Variants in TBCK observed in about 807,000 individuals in gnomAD.
TBCK encodes TBC1 domain containing kinase.
A neutral mutation model predicts 113.4 loss-of-function variants in TBCK; 99 were observed. The observed-to-expected ratio is 0.87, with a 90% CI of 0.74 to 1.03. TBCK has a LOEUF of 1.03. Among genes scored for constraint, TBCK ranks in the 50% least tolerant of loss-of-function variants. The pLI is 0.00. For missense variants in TBCK, 1,045 were observed against 1,061.3 expected (o/e 0.98, Z 0.21); for synonymous variants, 369 against 370.8 (o/e 1.00, Z 0.05).
At chr4:106,058,433 A>T (rs184265295) in intron 25 of TBCK, among the ~76,000 whole-genome samples, 1 of 151,832 alleles carries the variant, frequency 6.6e-6, no homozygotes, top group African/African-American at 2.4e-5. Flanking sequence ...TAAGTAAAAG[A>T]TTTTCTATGA....
In TBCK at chr4:106,236,748, C is replaced by A; in HGVS notation, c.1220+11G>T. 1 of 1,450,166 alleles carries A rather than the reference C, an allele frequency of 6.9e-7. No individual in the cohort carries two copies. The highest frequency in any genetic ancestry group is 9.3e-7 in the Non-Finnish European group (1 of 1,079,702). 89.8% of individuals were successfully genotyped at this position (1,450,166 alleles called of 1,614,324 possible). On this transcript the variant is annotated intron_variant, in intron 13 of 25. Transcript: ENST00000394708. ...GAAAAATAAATCTAAAATGAGACTA[C>A]ATATACTCACTCATCTTCAAGTAAT... is the stretch of plus-strand genomic sequence containing the variant.
chr4:106,057,722 T>C (rs1735588589), intron 25 of TBCK, among the ~76,000 whole-genome samples: 1 of 151,798 alleles, frequency 6.6e-6, no homozygotes, highest in South Asian at 2.1e-4. Context: ...CTTTCAGAAT[T>C]CCTCACTTAG....
At chr4:106,142,257 G>C (rs1366126782) in intron 23 of TBCK, among the ~76,000 whole-genome samples, 1 of 152,016 alleles carries the variant, frequency 6.6e-6, no homozygotes, top group African/African-American at 2.4e-5. Context: ...AGTTTAGCAG[G>C]GTTTTTAAGT....
intron 22 of TBCK, among the ~76,000 whole-genome samples, chr4:106,189,342 C>CA (rs1189938399): frequency 0.058 from 3,426 of 59,028 alleles, 130 homozygotes; most frequent in African/African-American, 0.15. Flanking sequence ...GACTCCATCT[C>CA]AAAAAAAAAA....
intron 19 of TBCK, among the ~76,000 whole-genome samples, chr4:106,214,202 C>T (rs892584421): frequency 3.3e-5 from 5 of 152,062 alleles, no homozygotes; most frequent in Non-Finnish European, 7.4e-5. Context: ...GACATCCACA[C>T]CAAAAACCCA....
At chr4:106,314,811 G>A (rs1322233593) in intron 1 of TBCK, among the ~76,000 whole-genome samples, 1 of 151,542 alleles carries the variant, frequency 6.6e-6, no homozygotes, top group Non-Finnish European at 1.5e-5. Context: ...TTTTAGTAGA[G>A]ACGGGGTTTC....
intron 22 of TBCK, among the ~76,000 whole-genome samples, chr4:106,174,125 T>C (rs1437557579): frequency 2.0e-5 from 3 of 152,122 alleles, no homozygotes; most frequent in Non-Finnish European, 4.4e-5. Context: ...CTCACTTTAA[T>C]GGCTATAAAT....
chr4:106,073,406 G>T (rs1182140484), intron 25 of TBCK, among the ~76,000 whole-genome samples: 2 of 152,262 alleles, frequency 1.3e-5, no homozygotes, highest in East Asian at 3.9e-4. Flanking sequence ...GACCCTGTTT[G>T]CCTGGGTATC....
At chr4:106,144,707 T>G (rs1286150947) in intron 23 of TBCK, among the ~76,000 whole-genome samples, 2 of 152,196 alleles carry the variant, frequency 1.3e-5, no homozygotes, top group African/African-American at 2.4e-5. Context: ...TCTTGCTTCT[T>G]TACATTTCTC....
intron 25 of TBCK, among the ~76,000 whole-genome samples, chr4:106,056,497 C>T (rs1211140518): frequency 6.6e-6 from 1 of 151,458 alleles, no homozygotes. Context: ...ATATTTTAAA[C>T]CTCCTTTGTC....
intron 25 of TBCK, among the ~76,000 whole-genome samples, chr4:106,047,513 C>T (rs1001440675): frequency 2.6e-5 from 4 of 152,154 alleles, no homozygotes; most frequent in Non-Finnish European, 4.4e-5. Flanking sequence ...CCACACATAA[C>T]CTCAAACCTG....
At chr4:106,060,423 T>A (rs910682266) in intron 25 of TBCK, among the ~76,000 whole-genome samples, 4 of 151,800 alleles carry the variant, frequency 2.6e-5, no homozygotes, top group Non-Finnish European at 5.9e-5. Flanking sequence ...AAATCTACTC[T>A]GCCTGTGTTC....
At chr4:106,175,126 C>A (rs1350671723) in intron 22 of TBCK, among the ~76,000 whole-genome samples, 85 of 146,868 alleles carry the variant, frequency 5.8e-4, no homozygotes, top group Non-Finnish European at 3.7e-4. Context: ...CAGAGCAAGA[C>A]TCTCTCAAAA....
chr4:106,302,794 G>A (rs559435622), intron 2 of TBCK, among the ~76,000 whole-genome samples: 1 of 152,304 alleles, frequency 6.6e-6, no homozygotes, highest in Admixed American at 6.5e-5. Context: ...GGCTGTTGAA[G>A]TATACAGGGA....
intron 24 of TBCK, among the ~76,000 whole-genome samples, chr4:106,110,076 C>T (rs528964970): frequency 6.6e-6 from 1 of 152,360 alleles, no homozygotes; most frequent in Admixed American, 6.5e-5. Flanking sequence ...GGACTGCTCT[C>T]TCCAGGGAGG....
At chr4:106,236,041 A>G (rs142145544) in intron 14 of TBCK, among the ~76,000 whole-genome samples, 1 of 152,094 alleles carries the variant, frequency 6.6e-6, no homozygotes, top group Non-Finnish European at 1.5e-5. Context: ...CCCAGTGAAG[A>G]TGAACAATTT....
chr4:106,155,917 G>A (rs935477898), intron 23 of TBCK, among the ~76,000 whole-genome samples: 2 of 152,044 alleles, frequency 1.3e-5, no homozygotes, highest in African/African-American at 4.8e-5. Flanking sequence ...GTGAGGTCAT[G>A]CTTTCCTGGA....
chr4:106,277,052 T>C (rs1282326620), intron 3 of TBCK, among the ~76,000 whole-genome samples: 1 of 152,064 alleles, frequency 6.6e-6, no homozygotes, highest in African/African-American at 2.4e-5. Context: ...AACAAATACA[T>C]ATGTGATGAT....
At chr4:106,135,299 T>C (rs1431094188) in intron 23 of TBCK, among the ~76,000 whole-genome samples, 1 of 151,830 alleles carries the variant, frequency 6.6e-6, no homozygotes, top group African/African-American at 2.4e-5. Context: ...ACAATAATCC[T>C]GAGGGAGGTT....
Sources: gnomAD v4.1 joint callset for allele counts (sites outside exome capture counted in the v4.1 genomes callset) on GRCh38, gnomAD v4.1.1 for gene constraint, MANE v1.5 for transcripts, NCBI Gene and HGNC (gene_info 2026-07-23, HGNC 2026-07-21) for gene names.